DPF3: variants seen among roughly 807,000 people sequenced by gnomAD.
DPF3 encodes the protein double PHD fingers 3.
DPF3 carries 18 observed loss-of-function variants against 56.8 expected under a neutral mutation model. That is an observed-to-expected ratio of 0.32 (90% confidence interval 0.22 to 0.47). DPF3 has a LOEUF of 0.47. DPF3 is among the 20% of genes least tolerant of loss of function. The probability of loss-of-function intolerance (pLI) is 1.00; values close to 1 mark genes in which losing one functional copy is unlikely to be tolerated. For synonymous variants in DPF3, 188 were observed against 180.2 expected, an observed-to-expected ratio of 1.04 and a Z score of -0.35; for missense variants, 403 against 488.8, an observed-to-expected ratio of 0.82 and a Z score of 1.65.
intron 6 of DPF3, among the ~76,000 whole-genome samples, chr14:72,705,659 G>A (rs911719578): frequency 1.5e-4 from 23 of 152,130 alleles, no homozygotes; most frequent in African/African-American, 2.9e-4. Flanking sequence ...TAGTCGAGCT[G>A]AGCCTTCTTC....
chr14:72,806,285 G>A (rs1179592898), intron 1 of DPF3, among the ~76,000 whole-genome samples: 1 of 152,098 alleles, frequency 6.6e-6, no homozygotes, highest in Non-Finnish European at 1.5e-5. Flanking sequence ...CCCGTGGGTG[G>A]TCCTGCTGCT....
At chr14:72,792,274 G>C (rs1018327873) in intron 1 of DPF3, among the ~76,000 whole-genome samples, 7 of 152,312 alleles carry the variant, frequency 4.6e-5, no homozygotes, top group African/African-American at 9.6e-5. Flanking sequence ...GACACAAAGA[G>C]GGGGAAGGCC....
chr14:72,763,994 T>C (rs1406537223), intron 2 of DPF3, among the ~76,000 whole-genome samples: 2 of 152,234 alleles, frequency 1.3e-5, no homozygotes, highest in African/African-American at 4.8e-5. Flanking sequence ...TATTTTGGTC[T>C]TAATCCCCAC....
chr14:72,673,607 GA>G (rs1433319017), intron 8 of DPF3, among the ~76,000 whole-genome samples: 1 of 152,180 alleles, frequency 6.6e-6, no homozygotes, highest in Non-Finnish European at 1.5e-5. Context: ...TTAGTCTTTG[GA>G]TAGGTTAAAA....
chr14:72,863,433 A>G lies in DPF3; in HGVS notation c.32+30624T>C, dbSNP rs117575626. 4.2e-3 allele frequency among the ~76,000 whole-genome samples: 632 copies of G among 151,906 alleles called. 1 individual carries two copies. The highest frequency in any genetic ancestry group is 6.7e-3 in the Non-Finnish European group (456 of 67,948). ...CGAGAAAGGGAAGAGAAATTAGCAC[A>G]TAGATGAGAAACACATGTTTAAAAA... On this transcript the variant is annotated intron_variant, in intron 1 of 10. Coordinates refer to ENST00000556509, the MANE Select transcript of DPF3 (RefSeq NM_001280542.3).
At chr14:72,743,118 CAG>C (rs1429739358) in intron 3 of DPF3, among the ~76,000 whole-genome samples, 1 of 152,132 alleles carries the variant, frequency 6.6e-6, no homozygotes, top group Non-Finnish European at 1.5e-5. Context: ...CTGCCAAAAA[CAG>C]AAAAAATACA....
At chr14:72,812,065 T>C (rs1430094584) in intron 1 of DPF3, among the ~76,000 whole-genome samples, 1 of 152,122 alleles carries the variant, frequency 6.6e-6, no homozygotes, top group Non-Finnish European at 1.5e-5. Flanking sequence ...ATCTAAGATC[T>C]GCCCCAAGTG....
intron 7 of DPF3, among the ~76,000 whole-genome samples, chr14:72,680,128 G>A (rs997141740): frequency 3.3e-5 from 5 of 152,240 alleles, no homozygotes; most frequent in Admixed American, 1.3e-4. Context: ...GATAGAGACT[G>A]TGGGGAAGGC....
chr14:72,711,176 A>G (rs1333297782), intron 6 of DPF3, among the ~76,000 whole-genome samples: 1 of 152,246 alleles, frequency 6.6e-6, no homozygotes, highest in Non-Finnish European at 1.5e-5. Flanking sequence ...AGGTGATCTA[A>G]TATTTTCATA....
chr14:72,677,032 A>C (rs563800487), intron 7 of DPF3, among the ~76,000 whole-genome samples: 1 of 152,218 alleles, frequency 6.6e-6, no homozygotes, highest in African/African-American at 2.4e-5. Context: ...AATTGAATTC[A>C]TCTGAAAAAG....
intron 1 of DPF3, among the ~76,000 whole-genome samples, chr14:72,824,712 C>A (rs889163112): frequency 1.3e-5 from 2 of 151,988 alleles, no homozygotes; most frequent in Admixed American, 1.3e-4. Flanking sequence ...GCTGGGATTA[C>A]AGGCACCTGC....
intron 6 of DPF3, among the ~76,000 whole-genome samples, chr14:72,695,999 C>CTCTTTGGGT (rs1478013663): frequency 1.3e-5 from 2 of 152,198 alleles, no homozygotes; most frequent in African/African-American, 4.8e-5. Context: ...CCAAAGAGGC[C>CTCTTTGGGT]CCTGAGGTGC....
chr14:72,669,991 G>A, intron 8 of DPF3: 1 of 986,038 alleles, frequency 1.0e-6, no homozygotes, highest in South Asian at 4.7e-5. Flanking sequence ...TCTTGGGACT[G>A]TCAGTGAGGT....
rs1599299461 is a variant in DPF3, at chr14:72,612,443, TAG to T, written c.*6852_*6853del. On this transcript the variant is annotated 3_prime_UTR_variant, in exon 11 of 11. Transcript: ENST00000556509. The stretch of plus-strand genomic sequence containing the variant: ...AGTGTTTCTGTCCTTTTTTTTTTTC[TAG>T]TACCTAATTTAGGCTTCTTCAACTA... 31 of 516,390 alleles carry T rather than the reference TAG, an allele frequency of 6.0e-5. No individual in the cohort carries two copies. Among genetic ancestry groups the T allele is most frequent in the Admixed American group, 2.5e-4 (13 of 51,174 alleles). 32.0% of individuals were successfully genotyped at this position (516,390 alleles called of 1,614,324 possible).
intron 1 of DPF3, among the ~76,000 whole-genome samples, chr14:72,816,187 T>A (rs8007559): frequency 0.8 from 121,103 of 151,844 alleles, 49,239 homozygotes; most frequent in South Asian, 0.97. Flanking sequence ...CTCCCACCCT[T>A]GTACACTGCA....
At chr14:72,730,291 G>A (rs115944389) in intron 4 of DPF3, among the ~76,000 whole-genome samples, 1,636 of 152,100 alleles carry the variant, frequency 0.011, 29 homozygotes, top group African/African-American at 0.037. Flanking sequence ...AGACAAGCAG[G>A]AGTCAAATAT....
chr14:72,684,387 C>T (rs1409109333), intron 7 of DPF3, among the ~76,000 whole-genome samples: 1 of 152,054 alleles, frequency 6.6e-6, no homozygotes, highest in Non-Finnish European at 1.5e-5. Context: ...ACAACCCAGG[C>T]AGAAGCCAGG....
chr14:72,819,578 T>G (rs536590378), intron 1 of DPF3, among the ~76,000 whole-genome samples: 1 of 152,246 alleles, frequency 6.6e-6, no homozygotes, highest in South Asian at 2.1e-4. Context: ...TAGCTGCTAA[T>G]GTACACAACA....
chr14:72,804,284 A>C (rs1893004215), intron 1 of DPF3, among the ~76,000 whole-genome samples: 1 of 151,286 alleles, frequency 6.6e-6, no homozygotes, highest in Non-Finnish European at 1.5e-5. Context: ...GCCCCATCCC[A>C]TCATCCTGTG....
Sources: allele counts gnomAD v4.1 joint callset (sites outside exome capture counted in the v4.1 genomes callset), GRCh38; gene constraint gnomAD v4.1.1; transcripts MANE v1.5; gene names NCBI Gene and HGNC (gene_info 2026-07-23, HGNC 2026-07-21).